The following CFAP70 variants were observed in gnomAD, a reference collection of about 807,000 sequenced individuals.
CFAP70 encodes the protein cilia- and flagella-associated protein 70.
CFAP70 carries 81 observed loss-of-function variants against 137.6 expected under a neutral mutation model. The observed-to-expected ratio is 0.59, with a 90% CI of 0.49 to 0.71. The LOEUF is 0.71. Among genes scored for constraint, CFAP70 ranks in the 30% least tolerant of loss-of-function variants. The probability of loss-of-function intolerance (pLI) is 0.00; values close to 1 mark genes in which losing one functional copy is unlikely to be tolerated. For missense variants in CFAP70, 976 were observed against 1,226.7 expected (o/e 0.80, Z 3.05); for synonymous variants, 382 against 423.6 (o/e 0.90, Z 1.20).
chr10:73,321,258 G>A (rs1001333140), intron 9 of CFAP70, among the ~76,000 whole-genome samples: 1 of 151,996 alleles, frequency 6.6e-6, no homozygotes, highest in East Asian at 1.9e-4. Context: ...TTCTACTAAA[G>A]ATACAAAAAA....
chr10:73,350,352 A>C (rs769708419), intron 3 of CFAP70, among the ~76,000 whole-genome samples: 1 of 148,882 alleles, frequency 6.7e-6, no homozygotes, highest in Non-Finnish European at 1.5e-5. Flanking sequence ...GTAACCTGAC[A>C]GATGAAAATA....
At chr10:73,270,507 T>A (rs1589284887) in intron 24 of CFAP70, among the ~76,000 whole-genome samples, 1 of 8,068 alleles carries the variant, frequency 1.2e-4, no homozygotes, top group Non-Finnish European at 2.5e-4. Context: ...TCCCTTCCCT[T>A]CCCCTCCCCT....
At chr10:73,331,132 G>T in intron 8 of CFAP70, 45 bp downstream of exon 9, 2 of 1,384,354 alleles carry the variant, frequency 1.4e-6, no homozygotes, top group South Asian at 1.2e-5. Flanking sequence ...GGTCGGGTCT[G>T]ATTCTACATT....
chr10:73,341,368 T>C, intron 6 of CFAP70, 31 bp downstream of exon 7: 1 of 1,560,766 alleles, frequency 6.4e-7, no homozygotes, highest in Non-Finnish European at 8.7e-7. Context: ...ACACTAAGTT[T>C]ATCACAAAAA....
chr10:73,328,548 A>G (rs1299999123), intron 8 of CFAP70, among the ~76,000 whole-genome samples: 1 of 147,636 alleles, frequency 6.8e-6, no homozygotes. Flanking sequence ...CAGAGTGAAC[A>G]GGCAACCTAC....
exon 8 of CFAP70, chr10:73,331,259 G>A (rs867895890): frequency 1.9e-6 from 3 of 1,613,042 alleles, no homozygotes; most frequent in South Asian, 2.2e-5. Flanking sequence ...CCGGCAATCG[G>A]CAATTCGCTT....
chr10:73,335,004 C>T (rs914297637), intron 7 of CFAP70, among the ~76,000 whole-genome samples: 4 of 151,476 alleles, frequency 2.6e-5, no homozygotes, highest in Non-Finnish European at 4.4e-5. Flanking sequence ...TCATGTCAGC[C>T]TCACAAGTAG....
intron 19 of CFAP70, among the ~76,000 whole-genome samples, chr10:73,284,439 A>G (rs982783892): frequency 1.3e-5 from 2 of 152,192 alleles, no homozygotes; most frequent in South Asian, 4.1e-4. Flanking sequence ...CAACAGTTCC[A>G]GGTCCCAGGG....
intron 1 of CFAP70, 30 bp from the exon 2 acceptor site, chr10:73,354,865 T>A: frequency 7.5e-7 from 1 of 1,338,394 alleles, no homozygotes; most frequent in East Asian, 2.3e-5. Flanking sequence ...ACCTGTCCCC[T>A]CATGTACCAC....
intron 19 of CFAP70, among the ~76,000 whole-genome samples, chr10:73,284,056 CAT>C (rs1278228977): frequency 1.3e-5 from 2 of 152,204 alleles, no homozygotes; most frequent in Admixed American, 1.3e-4. Flanking sequence ...CATATTATCT[CAT>C]AGTTCTCAAG....
Position 73,275,328 on chromosome 10 carries a change from T to A in CFAP70, c.2673+118A>T, listed in dbSNP as rs1691843865. On this transcript the variant is annotated intron_variant, in intron 22 of 26. Transcript: ENST00000310715. This position sits in a 1 kb window ranked among gnomAD's most constrained non-coding sequence, Gnocchi z 4.0. The stretch of plus-strand genomic sequence containing the variant: ...AAATGGAAGGGTATAGAGAGATGAG[T>A]TTACTGACAGCTGATGACCACCCTT... 2.5e-6 allele frequency: 3 copies of A among 1,211,962 alleles called. No individual in the cohort carries two copies. The highest frequency in any genetic ancestry group is 3.4e-6 in the Non-Finnish European group (3 of 876,812). The allele number at this position is 1,211,962 out of a possible 1,614,324, so 75.1% of individuals were successfully genotyped here.
intron 12 of CFAP70, among the ~76,000 whole-genome samples, chr10:73,302,351 C>A (rs1392403509): frequency 6.6e-6 from 1 of 152,164 alleles, no homozygotes; most frequent in Non-Finnish European, 1.5e-5. Flanking sequence ...GAAAGTTCCT[C>A]AAGGAGGGTT....
chr10:73,285,638 T>TC (rs1211757505), intron 19 of CFAP70, among the ~76,000 whole-genome samples: 8 of 149,408 alleles, frequency 5.4e-5, no homozygotes, highest in African/African-American at 2.0e-4. Context: ...ATATTTTCTT[T>TC]TTTTTTTTTT....
intron 19 of CFAP70, 61 bp downstream of exon 20, chr10:73,291,164 GC>G: frequency 6.8e-7 from 1 of 1,460,274 alleles, no homozygotes. Flanking sequence ...ACAGGTGTGA[GC>G]CACCACACCT....
intron 19 of CFAP70, among the ~76,000 whole-genome samples, chr10:73,285,270 CAG>C (rs926008907): frequency 3.3e-5 from 5 of 152,230 alleles, no homozygotes; most frequent in African/African-American, 1.2e-4. Flanking sequence ...TCCAGTTAAA[CAG>C]AGTAGATAGG....
intron 7 of CFAP70, among the ~76,000 whole-genome samples, chr10:73,331,669 GACCCTGTCTCAAA>G (rs2052107409): frequency 6.6e-6 from 1 of 152,096 alleles, no homozygotes. Flanking sequence ...GCCACCGTGA[GACCCTGTCTCAAA>G]AAAAAAATTT....
intron 26 of CFAP70, 78 bp from the exon 28 acceptor site, chr10:73,254,133 G>T: frequency 8.5e-7 from 1 of 1,181,948 alleles, no homozygotes. Flanking sequence ...CCCCTCTTTT[G>T]TGGGGCTACG....
At chr10:73,253,807 G>T in exon 27 of CFAP70, 1 of 493,476 alleles carries the variant, frequency 2.0e-6, no homozygotes, top group Non-Finnish European at 3.6e-6. Context: ...CCAGTTTCTC[G>T]TCAACCAGTA....
rs1279018509 is a variant in CFAP70, at chr10:73,325,708, T to C, written c.778-2611A>G. Among the ~76,000 whole-genome samples, 5 of 151,928 alleles carry C rather than the reference T, an allele frequency of 3.3e-5. No homozygotes were observed. The East Asian group carries it at 9.6e-4, about 29-fold the overall frequency. On this transcript the variant is annotated intron_variant, in intron 8 of 26. Coordinates refer to ENST00000310715, the Ensembl canonical transcript of CFAP70. The stretch of plus-strand genomic sequence containing the variant: ...AATCCTAGTCTCTGATAAAACAGAC[T>C]TTAAACCAACAAAGATCAAAAGAGA...
Sources: gnomAD v4.1 joint callset for allele counts (sites outside exome capture counted in the v4.1 genomes callset) on GRCh38, gnomAD v4.1.1 for gene constraint, Gnocchi (gnomAD v3.1) non-coding constraint, MANE v1.5 for transcripts, NCBI Gene and HGNC (gene_info 2026-07-23, HGNC 2026-07-21) for gene names.